The following SF3B1 variants were observed in gnomAD, a reference collection of about 807,000 sequenced individuals.
SF3B1 encodes splicing factor 3b subunit 1, also known as pre-mRNA processing 10.
SF3B1 carries 12 observed loss-of-function variants against 153.8 expected under a neutral mutation model. The observed-to-expected ratio is 0.08, with a 90% CI of 0.05 to 0.13. SF3B1 has a LOEUF of 0.13. SF3B1 is among the 10% of genes least tolerant of loss of function. The pLI is 1.00. For synonymous variants in SF3B1, 498 were observed against 525.2 expected (o/e 0.95, Z 0.71); for missense variants, 513 against 1,606.1 (o/e 0.32, Z 11.63).
In SF3B1 at chr2:197,392,434, T is replaced by G; in HGVS notation, c.3784A>C (p.Arg1262=). The G allele has an allele frequency of 1.9e-6, 3 of 1,609,326 alleles. No homozygotes were observed. Among genetic ancestry groups the G allele is most frequent in the Non-Finnish European group, 2.5e-6 (3 of 1,177,020 alleles). The part of the protein sequence containing the change: ...QGLFHPARKV[R]DVYWKIYNSI... ...TTGTAAATTTTCCAATATACATCTC[T>G]GACTTTCCGGGCTGGGTGAAACAGA... The change falls in exon 25 of 25, where the codon AGA becomes CGA. Residue 1262 remains arginine (R), a synonymous_variant. Transcript: ENST00000335508.
Position 197,400,178 on chromosome 2 carries a change from C to T in SF3B1, c.2902-12G>A. 6.3e-7 allele frequency: 1 copy of T among 1,594,004 alleles called. No individual in the cohort carries two copies. The highest frequency in any genetic ancestry group is 8.6e-7 in the Non-Finnish European group (1 of 1,164,646). Reference sequence around the variant, plus strand: ...CCCATCAATTTTTCCTATAATAAAACAAATAATGTTAAAATGTTACTATTT... The same window carrying T: ...CCCATCAATTTTTCCTATAATAAAATAAATAATGTTAAAATGTTACTATTT... On this transcript the variant is annotated splice_polypyrimidine_tract_variant and intron_variant, in intron 19 of 24. Coordinates refer to ENST00000335508, the MANE Select transcript of SF3B1 (RefSeq NM_012433.4). This position sits in a 1 kb window ranked among gnomAD's most constrained non-coding sequence, Gnocchi z 5.0.
intron 6 of SF3B1, among the ~76,000 whole-genome samples, chr2:197,414,275 G>A (rs188168599): frequency 4.6e-5 from 7 of 152,316 alleles, no homozygotes; most frequent in African/African-American, 1.2e-4. Context: ...GCAAGTCTGC[G>A]GAACAGAAGC....
At chr2:197,424,665 G>C (rs879153966) in intron 1 of SF3B1, among the ~76,000 whole-genome samples, 2 of 152,092 alleles carry the variant, frequency 1.3e-5, no homozygotes, top group African/African-American at 4.8e-5. Context: ...TTTAAATACA[G>C]ACTAGTCTTC....
intron 1 of SF3B1, among the ~76,000 whole-genome samples, chr2:197,432,760 G>A (rs2085460643): frequency 6.6e-6 from 1 of 152,156 alleles, no homozygotes; most frequent in South Asian, 2.1e-4. Flanking sequence ...CTAGTACTCA[G>A]GAGGCTGAAG....
At chr2:197,414,197 C>A (rs1427000455) in intron 6 of SF3B1, among the ~76,000 whole-genome samples, 1 of 152,168 alleles carries the variant, frequency 6.6e-6, no homozygotes, top group African/African-American at 2.4e-5. Context: ...CAATAATTTT[C>A]TTTTAGAAAT....
chr2:197,404,915 A>C, intron 11 of SF3B1, 161 bp downstream of exon 11: 2 of 559,678 alleles, frequency 3.6e-6, no homozygotes, highest in East Asian at 6.1e-5. Context: ...GCAGAGCCTC[A>C]CACCTGTAAT....
intron 22 of SF3B1, among the ~76,000 whole-genome samples, chr2:197,396,541 A>G (rs550748780): frequency 6.6e-6 from 1 of 152,324 alleles, no homozygotes; most frequent in East Asian, 1.9e-4. Context: ...GTTGACTCTG[A>G]GAAGATCAGA....
chr2:197,427,208 C>A lies in SF3B1; in HGVS notation c.29-3234G>T, dbSNP rs138211735. Among the ~76,000 whole-genome samples, 589 of 152,254 alleles carry A rather than the reference C, an allele frequency of 3.9e-3. 4 individuals carry two copies. Among genetic ancestry groups the A allele is most frequent in the African/African-American group, 0.011 (461 of 41,552 alleles). On this transcript the variant is annotated intron_variant, in intron 1 of 24. Transcript: ENST00000335508. ...ACAAAATTACCCAGCCCAAAATCTC[C>A]TGGGGCTAGGCAGCTGTTTGTAGTT...
Position 197,409,900 on chromosome 2 carries a change from A to G in SF3B1, c.774T>C (p.Pro258=). 4 of 1,614,152 alleles carry G rather than the reference A, an allele frequency of 2.5e-6. No homozygotes were observed. The highest frequency in any genetic ancestry group is 3.4e-6 in the Non-Finnish European group (4 of 1,180,028). The change falls in exon 7 of 25, where the codon CCT becomes CCC. Residue 258 remains proline (P), a synonymous_variant. Coordinates refer to ENST00000335508, the MANE Select transcript of SF3B1 (RefSeq NM_012433.4). ...TPGSKIWDPT[P]SHTPAGAATP... is the part of the protein sequence containing the mutation. ...TAGCAGCTCCCGCTGGTGTGTGGCT[A>G]GGTGTAGGATCCCATATTTTTGAGC... is the stretch of plus-strand genomic sequence containing the variant.
intron 6 of SF3B1, among the ~76,000 whole-genome samples, chr2:197,411,440 G>A (rs887163545): frequency 1.6e-4 from 24 of 151,648 alleles, no homozygotes; most frequent in South Asian, 6.3e-4. Context: ...TTGAGAGGCC[G>A]AGGCGGGCGG....
chr2:197,394,891 C>CA (rs1032338597), intron 23 of SF3B1, among the ~76,000 whole-genome samples: 80 of 150,994 alleles, frequency 5.3e-4, no homozygotes, highest in African/African-American at 1.8e-3. Context: ...GGTGACACAG[C>CA]AAAACTCCGT....
chr2:197,418,057 G>A (rs2085179230), intron 5 of SF3B1, among the ~76,000 whole-genome samples: 1 of 151,458 alleles, frequency 6.6e-6, no homozygotes, highest in East Asian at 1.9e-4. Flanking sequence ...CCAACATGGT[G>A]AAACCCCATC....
chr2:197,413,315 C>A (rs2085099551), intron 6 of SF3B1, among the ~76,000 whole-genome samples: 1 of 152,218 alleles, frequency 6.6e-6, no homozygotes, highest in African/African-American at 2.4e-5. Context: ...GCACAAGAGT[C>A]ACTTGAGTCT....
At chr2:197,418,233 C>CTAAAAAAAAAAAAAAAA (rs2085182413) in intron 5 of SF3B1, among the ~76,000 whole-genome samples, 1 of 4,602 alleles carries the variant, frequency 2.2e-4, no homozygotes, top group Non-Finnish European at 5.1e-4. Flanking sequence ...GAGACTGTGT[C>CTAAAAAAAAAAAAAAAA]CAAAAAAAAA....
At chr2:197,410,066 C>T (rs1574536498) in intron 6 of SF3B1, 59 bp from the exon 7 acceptor site, 1 of 1,228,478 alleles carries the variant, frequency 8.1e-7, no homozygotes, top group East Asian at 2.3e-5. Flanking sequence ...TAGAAAATTT[C>T]CATAAAATAA....
intron 5 of SF3B1, 70 bp from the exon 6 acceptor site, chr2:197,416,981 TTCCACTTAACA>T: frequency 6.9e-7 from 1 of 1,447,390 alleles, no homozygotes; most frequent in Non-Finnish European, 9.5e-7. Flanking sequence ...GCGCAATCAC[TTCCACTTAACA>T]TCCTATTTTA....
chr2:197,402,224 A>G lies in SF3B1; in HGVS notation c.2078-94T>C, dbSNP rs187047814. On this transcript the variant is annotated intron_variant, in intron 14 of 24. Coordinates refer to ENST00000335508, the MANE Select transcript of SF3B1 (RefSeq NM_012433.4). This position sits in a 1 kb window ranked among gnomAD's most constrained non-coding sequence, Gnocchi z 4.6. ...CTCTCAATATATCAACTATTCAGCC[A>G]AACTGCAGAATATGTTCACATTAAA... is the stretch of plus-strand genomic sequence containing the variant. 1.9e-4 allele frequency: 275 copies of G among 1,412,986 alleles called. 1 individual carries two copies. In the African/African-American group the frequency reaches 3.7e-3, roughly 19 times the overall value. The allele number at this position is 1,412,986 out of a possible 1,614,324, so 87.5% of individuals were successfully genotyped here. A position where few individuals can be genotyped will look rare whatever the true frequency, so the allele number is the denominator to read the frequency against.
chr2:197,422,150 T>C (rs2085254014), intron 2 of SF3B1, among the ~76,000 whole-genome samples: 1 of 152,114 alleles, frequency 6.6e-6, no homozygotes, highest in Non-Finnish European at 1.5e-5. Context: ...TAGCTATCAC[T>C]TTCTTTTACA....
chr2:197,424,451 C>A (rs2085299281), intron 1 of SF3B1, among the ~76,000 whole-genome samples: 1 of 150,916 alleles, frequency 6.6e-6, no homozygotes, highest in Non-Finnish European at 1.5e-5. Context: ...CAGATCACAC[C>A]ACTGCACTCC....
Sources: allele counts gnomAD v4.1 joint callset (sites outside exome capture counted in the v4.1 genomes callset), GRCh38; gene constraint gnomAD v4.1.1; non-coding constraint Gnocchi (gnomAD v3.1); transcripts MANE v1.5; gene names NCBI Gene and HGNC (gene_info 2026-07-23, HGNC 2026-07-21).